Variants in GAB4 observed in about 807,000 individuals in gnomAD.
The protein encoded by GAB4 is GRB2 associated binding protein family member 4.
Under a neutral mutation model 51.3 loss-of-function variants are expected in GAB4, and 26 were observed. The ratio of observed to expected loss-of-function variants is 0.51; its 90% CI spans 0.37 to 0.70. The LOEUF (loss-of-function observed/expected upper bound fraction) is 0.70. GAB4 is among the 30% of genes least tolerant of loss of function. The pLI is 0.00. For missense variants in GAB4, 759 were observed against 734.6 expected (o/e 1.03, Z -0.38); for synonymous variants, 329 against 291.2 (o/e 1.13, Z -1.32).
chr22:16,997,458 G>A (rs1234890854), intron 1 of GAB4, among the ~76,000 whole-genome samples: 1 of 152,152 alleles, frequency 6.6e-6, no homozygotes, highest in African/African-American at 2.4e-5. Context: ...ATAAGTGTCT[G>A]TTCATATCCT....
chr22:16,986,064 G>C (rs138226025), intron 3 of GAB4, among the ~76,000 whole-genome samples: 1 of 152,352 alleles, frequency 6.6e-6, no homozygotes, highest in African/African-American at 2.4e-5. Context: ...AAGGAATACA[G>C]AAAGTGGACC....
Position 16,963,770 on chromosome 22 carries a change from G to A in GAB4, c.1536C>T (p.Ser512=). Residue 512 remains serine (S), a synonymous_variant, in exon 9 of 10, where the codon AGC becomes AGT. Coordinates refer to ENST00000400588, the MANE Select transcript of GAB4 (RefSeq NM_001037814.1). The part of the protein sequence containing the change: ...GGTSSSAPPR[S]TGNIHYAALD... ...GGGCCGCGTAGTGGATGTTACCAGT[G>A]CTCCTCGGCGGGGCTGAACTGCTGG... 6.2e-7 allele frequency: 1 copy of A among 1,613,946 alleles called. No homozygotes were observed. The highest frequency in any genetic ancestry group is 8.5e-7 in the Non-Finnish European group (1 of 1,179,988).
At chr22:16,994,623 T>G (rs1569108346) in intron 1 of GAB4, among the ~76,000 whole-genome samples, 1 of 152,276 alleles carries the variant, frequency 6.6e-6, no homozygotes, top group East Asian at 1.9e-4. Context: ...TAAGTTTATA[T>G]GTTCACCCTA....
chr22:16,992,576 C>CA (rs1208247576), intron 1 of GAB4, among the ~76,000 whole-genome samples: 1 of 152,224 alleles, frequency 6.6e-6, no homozygotes, highest in Non-Finnish European at 1.5e-5. Context: ...GCAACAATGT[C>CA]AGAAGCAGAA....
chr22:17,000,207 T>C (rs999015374), intron 1 of GAB4, among the ~76,000 whole-genome samples: 3 of 152,360 alleles, frequency 2.0e-5, no homozygotes, highest in African/African-American at 4.8e-5. Context: ...GTTAATTTTC[T>C]GTCTTGTTGA....
intron 1 of GAB4, among the ~76,000 whole-genome samples, chr22:16,998,571 T>C (rs1569110588): frequency 6.6e-6 from 1 of 152,216 alleles, no homozygotes; most frequent in East Asian, 1.9e-4. Flanking sequence ...TTTCTAAATA[T>C]ACAGTTATGT....
chr22:16,962,753 G>A lies in GAB4; in HGVS notation c.1705C>T (p.Pro569Ser), dbSNP rs771673677. 5.6e-6 allele frequency: 9 copies of A among 1,612,346 alleles called. No homozygotes were observed. The South Asian group carries it at 9.9e-5, about 18-fold the overall frequency. Residue 569 changes from proline (P) to serine (S), a missense_variant, in exon 10 of 10, where the codon CCC becomes TCC. Pro to Ser is a moderately conservative substitution (Grantham distance 74, BLOSUM62 -1). Coordinates refer to ENST00000400588, the MANE Select transcript of GAB4 (RefSeq NM_001037814.1). ...CCGAGTCACAGCTTGGCGCCCCTGGGAGGCTCTGAGGACTGCCGCAGGCAC... is the reference window on the plus strand; with the variant it reads ...CCGAGTCACAGCTTGGCGCCCCTGGAAGGCTCTGAGGACTGCCGCAGGCAC... ...QMCLRQSSEP[P>S]RGAKL
chr22:16,984,512 A>C (rs1043760930), intron 3 of GAB4, among the ~76,000 whole-genome samples: 3 of 152,172 alleles, frequency 2.0e-5, no homozygotes, highest in African/African-American at 7.2e-5. Context: ...AAACTGGTTA[A>C]ATTCTGCTGG....
Position 16,964,839 on chromosome 22 carries a change from G to A in GAB4, c.1403C>T (p.Ser468Phe), listed in dbSNP as rs769919538. 1 of 1,614,044 alleles carries A rather than the reference G, an allele frequency of 6.2e-7. No homozygotes were observed. ...GTSHTFDSSS[S>F]QHPISTQSIT... is the part of the protein sequence containing the mutation. ...GCTCTGCGTGGAGATGGGGTGTTGG[G>A]AGGAGCTGGAGTCAAAGGTGTGGCT... Residue 468 changes from serine to phenylalanine, a missense_variant, in exon 8 of 10, where the codon TCC (serine) becomes TTC (phenylalanine). Transcript: ENST00000400588.
chr22:16,971,082 T>C (rs1319933560), intron 3 of GAB4, among the ~76,000 whole-genome samples: 1 of 151,392 alleles, frequency 6.6e-6, no homozygotes, highest in Non-Finnish European at 1.5e-5. Flanking sequence ...CCCAGTTACT[T>C]GGTTGGGAGG....
Position 16,988,058 on chromosome 22 carries a change from G to C in GAB4, c.588C>G (p.Pro196=). Residue 196 remains proline, a synonymous_variant, in exon 3 of 10, where the codon CCC becomes CCG. Coordinates refer to ENST00000400588, the MANE Select transcript of GAB4 (RefSeq NM_001037814.1). ...TGGGCGGCACACAGTGAGACACCGG[G>C]GGCTCAGATGTGGGTTCTTGTTCTT... The part of the protein sequence containing the change: ...LPQEQEPTSE[P]PVSHCVPPTW... 6.2e-7 allele frequency: 1 copy of C among 1,608,032 alleles called. No individual in the cohort carries two copies. Among genetic ancestry groups the C allele is most frequent in the East Asian group, 2.2e-5 (1 of 44,826 alleles).
chr22:16,965,664 G>C (rs539651269), intron 6 of GAB4, among the ~76,000 whole-genome samples: 2 of 152,328 alleles, frequency 1.3e-5, no homozygotes, highest in East Asian at 3.9e-4. Context: ...CATGGAAGCA[G>C]GTAGACACCA....
At position 16,968,211 on chromosome 22, in the gene GAB4, C is replaced by T. The variant is rs551317406; in HGVS notation, c.1023+87G>A. The T allele has an allele frequency of 2.8e-5, 26 of 934,984 alleles. 1 individual carries two copies. The South Asian group carries it at 3.0e-4, about 11-fold the overall frequency. The allele number at this position is 934,984 out of a possible 1,614,324, so 57.9% of individuals were successfully genotyped here. On this transcript the variant is annotated intron_variant, in intron 5 of 9. Transcript: ENST00000400588. ...CCTCCTAGGAGGGAGATGCTGTCAC[C>T]CTTTGGGGGATGTGCTTTTAGTTCC...
intron 4 of GAB4, 108 bp from the exon 5 acceptor site, chr22:16,968,491 C>A: frequency 1.3e-6 from 1 of 764,098 alleles, no homozygotes; most frequent in Non-Finnish European, 2.3e-6. Context: ...CTAGAGGACA[C>A]GACTCTCAAC....
rs1479231037 is a variant in GAB4, at chr22:17,000,125, G to T, written c.174+7816C>A. ...AGAAGAGTGTATATTCTGTTGATTTGGGGTGGAGAGTTCTGTAGATGTCTA... is the reference window on the plus strand; with the variant it reads ...AGAAGAGTGTATATTCTGTTGATTTTGGGTGGAGAGTTCTGTAGATGTCTA... On this transcript the variant is annotated intron_variant, in intron 1 of 9. Coordinates refer to ENST00000400588, the MANE Select transcript of GAB4 (RefSeq NM_001037814.1). Among the ~76,000 whole-genome samples the T allele has an allele frequency of 2.0e-5, 3 of 152,216 alleles. No homozygotes were observed. The East Asian group carries it at 5.8e-4, about 29-fold the overall frequency.
At chr22:16,986,653 T>C (rs2060870704) in intron 3 of GAB4, among the ~76,000 whole-genome samples, 1 of 152,190 alleles carries the variant, frequency 6.6e-6, no homozygotes. Context: ...TGCTTTCCAT[T>C]GCACTGTACT....
intron 3 of GAB4, among the ~76,000 whole-genome samples, chr22:16,986,408 C>T (rs941322541): frequency 5.9e-5 from 9 of 152,154 alleles, no homozygotes; most frequent in South Asian, 4.1e-4. Flanking sequence ...TTCATACATG[C>T]AATAGAGGGA....
chr22:16,983,984 T>C (rs543655455), intron 3 of GAB4, among the ~76,000 whole-genome samples: 2 of 152,198 alleles, frequency 1.3e-5, no homozygotes, highest in South Asian at 4.1e-4. Flanking sequence ...CTTTGCTGTA[T>C]AGCAAAGGAA....
At chr22:16,990,206 C>T (rs1353725645) in intron 2 of GAB4, among the ~76,000 whole-genome samples, 1 of 152,180 alleles carries the variant, frequency 6.6e-6, no homozygotes, top group Non-Finnish European at 1.5e-5. Context: ...TTTCTAAAAC[C>T]ATATTTCTGT....
Sources: gnomAD v4.1 joint callset for allele counts (sites outside exome capture counted in the v4.1 genomes callset) on GRCh38, gnomAD v4.1.1 for gene constraint, MANE v1.5 for transcripts, NCBI Gene and HGNC (gene_info 2026-07-23, HGNC 2026-07-21) for gene names.